Variants in WDPCP observed in about 807,000 individuals in gnomAD.
WDPCP encodes the protein WD repeat-containing and planar cell polarity effector protein fritz homolog.
In WDPCP, 71 loss-of-function variants were observed where a neutral mutation model predicts 93.1. That is an observed-to-expected ratio of 0.76 (90% confidence interval 0.63 to 0.93). The LOEUF (loss-of-function observed/expected upper bound fraction) is 0.93, where lower values mean the gene tolerates loss of function less well. Ranked by LOEUF, WDPCP falls within the 40% of genes least tolerant of loss-of-function variation. The probability of loss-of-function intolerance (pLI) is 0.00; values close to 1 mark genes in which losing one functional copy is unlikely to be tolerated. For synonymous variants in WDPCP, 315 were observed against 315.0 expected (o/e 1.00, Z 0.00); for missense variants, 844 against 887.4 (o/e 0.95, Z 0.62).
At chr2:63,208,029 T>G (rs556013306) in intron 14 of WDPCP, among the ~76,000 whole-genome samples, 1 of 152,282 alleles carries the variant, frequency 6.6e-6, no homozygotes, top group African/African-American at 2.4e-5. Flanking sequence ...CTAACATGAT[T>G]TTTTTGTTTC....
chr2:63,323,647 A>G (rs1011793375), intron 12 of WDPCP, among the ~76,000 whole-genome samples: 6 of 152,134 alleles, frequency 3.9e-5, no homozygotes, highest in African/African-American at 1.2e-4. Flanking sequence ...TAAGGTCCCA[A>G]TACTAACAGG....
intron 2 of WDPCP, among the ~76,000 whole-genome samples, chr2:63,657,964 C>T (rs773376505): frequency 2.0e-5 from 3 of 152,140 alleles, no homozygotes; most frequent in African/African-American, 4.8e-5. Flanking sequence ...AAGGTTCCAT[C>T]AAAGTTGCCT....
At chr2:63,607,461 G>C (rs927596579) in intron 3 of WDPCP, among the ~76,000 whole-genome samples, 2 of 151,316 alleles carry the variant, frequency 1.3e-5, no homozygotes, top group African/African-American at 2.4e-5. Context: ...AGGTTGTCCC[G>C]GGGGGCGGAA....
At chr2:63,489,919 C>T (rs1318910782) in intron 2 of WDPCP, among the ~76,000 whole-genome samples, 7 of 151,984 alleles carry the variant, frequency 4.6e-5, no homozygotes, top group Non-Finnish European at 1.0e-4. Context: ...CAGACACTAT[C>T]TTATCAGGTA....
intron 13 of WDPCP, among the ~76,000 whole-genome samples, chr2:63,306,037 C>G (rs916740845): frequency 1.3e-5 from 2 of 152,038 alleles, no homozygotes; most frequent in African/African-American, 4.8e-5. Context: ...CAAATAGACA[C>G]AATAAAAAAT....
intron 3 of WDPCP, among the ~76,000 whole-genome samples, chr2:63,633,786 G>A (rs1486854456): frequency 2.0e-5 from 3 of 152,156 alleles, no homozygotes; most frequent in Non-Finnish European, 4.4e-5. Flanking sequence ...ATTCGGCCAG[G>A]TGCAGTGGCT....
At chr2:63,789,835 A>G (rs1670520229) in intron 2 of WDPCP, among the ~76,000 whole-genome samples, 1 of 152,172 alleles carries the variant, frequency 6.6e-6, no homozygotes, top group Admixed American at 6.6e-5. Flanking sequence ...ACACTGTATA[A>G]TGCGAAACAT....
chr2:63,438,022 T>TC, intron 7 of WDPCP: 8 of 1,281,930 alleles, frequency 6.2e-6, no homozygotes, highest in Non-Finnish European at 8.0e-6. Context: ...CAGTGAATCT[T>TC]CTTTTAGGGG....
intron 6 of WDPCP, chr2:63,441,521 G>A (rs1697502190): frequency 6.6e-6 from 1 of 151,984 alleles, no homozygotes; most frequent in South Asian, 2.1e-4. Context: ...AGCTCCTTAT[G>A]GATGTTGGCT....
intron 3 of WDPCP, chr2:63,622,374 C>G (rs1709751690): frequency 1.9e-6 from 3 of 1,608,368 alleles, no homozygotes; most frequent in Non-Finnish European, 2.6e-6. Flanking sequence ...GGTCACGTTG[C>G]TTTTGAACTG....
intron 12 of WDPCP, among the ~76,000 whole-genome samples, chr2:63,319,671 G>C (rs1384827975): frequency 6.6e-6 from 1 of 152,058 alleles, no homozygotes; most frequent in Non-Finnish European, 1.5e-5. Flanking sequence ...GTAGAGATGG[G>C]GTTTCACTGT....
intron 6 of WDPCP, among the ~76,000 whole-genome samples, chr2:63,463,111 C>T (rs1348778628): frequency 1.4e-5 from 2 of 146,560 alleles, no homozygotes; most frequent in Admixed American, 6.9e-5. Context: ...GAAAGGAACA[C>T]GGACCTGAAA....
intron 2 of WDPCP, among the ~76,000 whole-genome samples, chr2:63,713,215 G>C (rs1669288673): frequency 6.6e-6 from 1 of 152,174 alleles, no homozygotes; most frequent in Non-Finnish European, 1.5e-5. Flanking sequence ...TCCTGTTACA[G>C]TTTTAATTCC....
chr2:63,588,370 C>A lies in WDPCP; in HGVS notation c.-99G>T. 7.3e-7 allele frequency: 1 copy of A among 1,371,394 alleles called. No homozygotes were observed. Among genetic ancestry groups the A allele is most frequent in the Non-Finnish European group, 1.0e-6 (1 of 983,460 alleles). 85.0% of individuals were successfully genotyped at this position (1,371,394 alleles called of 1,614,324 possible). A position where few individuals can be genotyped will look rare whatever the true frequency, so the allele number is the denominator to read the frequency against. Reference sequence around the variant, plus strand: ...GGTCTCTTGGGTCTCCAGGACGCCGCCGCCGCCGCCACAGTTTCCTCAGGT... The same window carrying A: ...GGTCTCTTGGGTCTCCAGGACGCCGACGCCGCCGCCACAGTTTCCTCAGGT... On this transcript the variant is annotated 5_prime_UTR_variant, in exon 1 of 18. Transcript: ENST00000272321.
At chr2:63,670,192 T>A (rs967482390) in intron 2 of WDPCP, among the ~76,000 whole-genome samples, 1 of 152,164 alleles carries the variant, frequency 6.6e-6, no homozygotes, top group African/African-American at 2.4e-5. Context: ...TGATGTAATT[T>A]TATGAATCTT....
At chr2:63,181,059 T>A (rs1330510972) in intron 14 of WDPCP, among the ~76,000 whole-genome samples, 1 of 152,068 alleles carries the variant, frequency 6.6e-6, no homozygotes, top group Non-Finnish European at 1.5e-5. Context: ...GTTCTTTTAT[T>A]TGTTTTTGTT....
At chr2:63,818,790 T>C (rs763333920) in intron 1 of WDPCP, among the ~76,000 whole-genome samples, 44 of 152,062 alleles carry the variant, frequency 2.9e-4, no homozygotes, top group Non-Finnish European at 1.0e-4. Context: ...GGTGATTTAG[T>C]AAGAAAAAGT....
chr2:63,634,327 T>C (rs1475861502), intron 3 of WDPCP, among the ~76,000 whole-genome samples: 2 of 152,152 alleles, frequency 1.3e-5, no homozygotes, highest in Admixed American at 6.5e-5. Context: ...CAAGAGGATA[T>C]AACAATTGTA....
At chr2:63,717,761 G>C in intron 2 of WDPCP, 1 of 375,014 alleles carries the variant, frequency 2.7e-6, no homozygotes, top group South Asian at 2.2e-5. Context: ...TGATGGAGAC[G>C]AATTACTACA....
Sources: allele counts gnomAD v4.1 joint callset (sites outside exome capture counted in the v4.1 genomes callset), GRCh38; gene constraint gnomAD v4.1.1; transcripts MANE v1.5; gene names NCBI Gene and HGNC (gene_info 2026-07-23, HGNC 2026-07-21).